Variants in ANO2 observed in about 807,000 individuals in gnomAD.
The protein encoded by ANO2 is anoctamin-2.
Under a neutral mutation model 124.2 loss-of-function variants are expected in ANO2, and 101 were observed. That is an observed-to-expected ratio of 0.81 (90% CI 0.69 to 0.96). ANO2 has a LOEUF of 0.96. Among genes scored for constraint, ANO2 ranks in the 40% least tolerant of loss-of-function variants. The pLI is 0.00. For synonymous variants in ANO2, 486 were observed against 482.5 expected (o/e 1.01, Z -0.09); for missense variants, 1,293 against 1,274.5 (o/e 1.01, Z -0.22).
intron 14 of ANO2, among the ~76,000 whole-genome samples, chr12:5,703,996 T>G (rs1204980137): frequency 1.3e-5 from 2 of 152,224 alleles, no homozygotes; most frequent in Non-Finnish European, 2.9e-5. Context: ...GTGGTCTATT[T>G]GATCATTTCC....
intron 9 of ANO2, among the ~76,000 whole-genome samples, chr12:5,802,630 T>C (rs1370806390): frequency 6.6e-6 from 1 of 152,222 alleles, no homozygotes; most frequent in Non-Finnish European, 1.5e-5. Flanking sequence ...TCTGGAGTCC[T>C]GCCCCATATG....
intron 12 of ANO2, among the ~76,000 whole-genome samples, chr12:5,741,516 G>A (rs1951094079): frequency 6.6e-6 from 1 of 152,174 alleles, no homozygotes; most frequent in Non-Finnish European, 1.5e-5. Context: ...TGGTTCCCGA[G>A]GAGGGCTGTG....
intron 3 of ANO2, among the ~76,000 whole-genome samples, chr12:5,898,769 C>T (rs1181271775): frequency 6.6e-6 from 1 of 152,210 alleles, no homozygotes; most frequent in Non-Finnish European, 1.5e-5. Context: ...CCAAGGGGGA[C>T]TTCCAGAAAG....
chr12:5,652,405 T>C (rs916329162), intron 14 of ANO2, among the ~76,000 whole-genome samples: 17 of 152,198 alleles, frequency 1.1e-4, no homozygotes, highest in Admixed American at 3.3e-4. Context: ...ATTATTAAAG[T>C]TCATACTTTA....
intron 3 of ANO2, among the ~76,000 whole-genome samples, chr12:5,912,104 C>T (rs1484149409): frequency 6.6e-6 from 1 of 152,208 alleles, no homozygotes; most frequent in Non-Finnish European, 1.5e-5. Context: ...TCTCCAGAAG[C>T]ACCCTGTCAG....
chr12:5,646,725 A>G (rs1021560493), intron 15 of ANO2, among the ~76,000 whole-genome samples: 2 of 152,216 alleles, frequency 1.3e-5, no homozygotes, highest in Non-Finnish European at 2.9e-5. Context: ...CAATGAGAAG[A>G]AAACAAATTT....
At chr12:5,887,673 G>C (rs79186904) in intron 3 of ANO2, among the ~76,000 whole-genome samples, 1,655 of 152,298 alleles carry the variant, frequency 0.011, 41 homozygotes, top group African/African-American at 0.037. Context: ...AGGAAGGAGA[G>C]AGAGAAGGAT....
intron 3 of ANO2, among the ~76,000 whole-genome samples, chr12:5,870,928 T>G (rs936773408): frequency 6.6e-6 from 1 of 152,248 alleles, no homozygotes. Context: ...TTATATTCAA[T>G]AGCATATTTA....
At chr12:5,675,305 C>T (rs1308151715) in intron 14 of ANO2, among the ~76,000 whole-genome samples, 1 of 152,200 alleles carries the variant, frequency 6.6e-6, no homozygotes, top group East Asian at 1.9e-4. Flanking sequence ...CCCATCTCTT[C>T]CCATCGTGCT....
At chr12:5,648,936 T>C (rs778860765) in intron 14 of ANO2, among the ~76,000 whole-genome samples, 10 of 152,234 alleles carry the variant, frequency 6.6e-5, no homozygotes, top group Non-Finnish European at 1.5e-4. Flanking sequence ...CAGTGCCATC[T>C]AGCCTTTGAA....
intron 20 of ANO2, among the ~76,000 whole-genome samples, chr12:5,597,689 G>A (rs1770305488): frequency 6.6e-6 from 1 of 152,194 alleles, no homozygotes; most frequent in Non-Finnish European, 1.5e-5. Flanking sequence ...GGCGTCAGAG[G>A]GTGGAGGCAG....
At chr12:5,804,059 A>G (rs1953122316) in intron 9 of ANO2, among the ~76,000 whole-genome samples, 1 of 152,188 alleles carries the variant, frequency 6.6e-6, no homozygotes, top group African/African-American at 2.4e-5. Context: ...GCGGCTCCCA[A>G]GCCTTCTCCA....
chr12:5,610,754 A>ATATAT (rs1414746179), intron 19 of ANO2, among the ~76,000 whole-genome samples: 4 of 142,512 alleles, frequency 2.8e-5, no homozygotes, highest in South Asian at 2.2e-4. Flanking sequence ...GAAAATAAAT[A>ATATAT]ACATGGAAAA....
chr12:5,597,274 A>C (rs1943710284), intron 20 of ANO2, among the ~76,000 whole-genome samples: 1 of 151,568 alleles, frequency 6.6e-6, no homozygotes, highest in Non-Finnish European at 1.5e-5. Context: ...GATGGGCCCC[A>C]GTGTGTGTTG....
intron 15 of ANO2, among the ~76,000 whole-genome samples, chr12:5,645,445 G>A (rs1565516111): frequency 6.6e-6 from 1 of 151,600 alleles, no homozygotes; most frequent in African/African-American, 2.4e-5. Flanking sequence ...GTGTGTGTGT[G>A]TACACATATA....
chr12:5,605,188 T>C (rs888331900), intron 19 of ANO2, among the ~76,000 whole-genome samples: 1 of 152,222 alleles, frequency 6.6e-6, no homozygotes, highest in African/African-American at 2.4e-5. Context: ...TTCTAAGCTA[T>C]GTATTCCTAT....
chr12:5,805,323 G>A (rs1013862187), intron 9 of ANO2, among the ~76,000 whole-genome samples: 3 of 152,048 alleles, frequency 2.0e-5, no homozygotes, highest in Non-Finnish European at 4.4e-5. Flanking sequence ...TCCCACCATC[G>A]CCCACCCTCC....
chr12:5,702,716 T>C (rs911158945), intron 14 of ANO2, among the ~76,000 whole-genome samples: 1 of 152,236 alleles, frequency 6.6e-6, no homozygotes, highest in African/African-American at 2.4e-5. Flanking sequence ...AGAATAGCTT[T>C]ATGATCTTGC....
chr12:5,895,239 A>G (rs967762371), intron 3 of ANO2, among the ~76,000 whole-genome samples: 4 of 151,858 alleles, frequency 2.6e-5, no homozygotes. Context: ...TAGGTATTTT[A>G]TTTTCTGAAG....
Sources: gnomAD v4.1 joint callset for allele counts (sites outside exome capture counted in the v4.1 genomes callset) on GRCh38, gnomAD v4.1.1 for gene constraint, MANE v1.5 for transcripts, NCBI Gene and HGNC (gene_info 2026-07-23, HGNC 2026-07-21) for gene names.